Variants in NRG1 observed in about 807,000 individuals in gnomAD.
NRG1 encodes the protein pro-neuregulin-1, membrane-bound isoform.
Under a neutral mutation model 63.8 loss-of-function variants are expected in NRG1, and 18 were observed. That is an observed-to-expected ratio of 0.28 (90% CI 0.19 to 0.42). The LOEUF (loss-of-function observed/expected upper bound fraction) is 0.42. Ranked by LOEUF, NRG1 falls within the 10% of genes least tolerant of loss-of-function variation. The pLI, the probability that NRG1 is intolerant of heterozygous loss-of-function variation, is 1.00. For synonymous variants in NRG1, 302 were observed against 301.3 expected (o/e 1.00, Z -0.02); for missense variants, 762 against 814.7 (o/e 0.94, Z 0.79).
intron 1 of NRG1, among the ~76,000 whole-genome samples, chr8:32,269,407 G>A (rs1011653424): frequency 6.6e-6 from 1 of 152,170 alleles, no homozygotes; most frequent in African/African-American, 2.4e-5. Context: ...AATTGTGAAT[G>A]TTTCCCATTA....
intron 1 of NRG1, among the ~76,000 whole-genome samples, chr8:31,950,054 T>C (rs2129622927): frequency 6.6e-6 from 1 of 152,252 alleles, no homozygotes; most frequent in African/African-American, 2.4e-5. Context: ...TGTCACCCCT[T>C]AGGTGGTGCT....
chr8:32,204,726 T>C (rs1002183361), intron 1 of NRG1, among the ~76,000 whole-genome samples: 4 of 152,222 alleles, frequency 2.6e-5, no homozygotes, highest in Admixed American at 6.5e-5. Flanking sequence ...TGACATAAAT[T>C]ATGGCTAGAA....
intron 1 of NRG1, among the ~76,000 whole-genome samples, chr8:32,285,328 G>A (rs753293138): frequency 3.3e-5 from 5 of 152,044 alleles, no homozygotes; most frequent in Admixed American, 1.3e-4. Context: ...AAACACTCTC[G>A]GTGCAGTGTT....
intron 1 of NRG1, among the ~76,000 whole-genome samples, chr8:32,397,141 T>C (rs1468006637): frequency 6.6e-6 from 1 of 152,158 alleles, no homozygotes; most frequent in African/African-American, 2.4e-5. Flanking sequence ...GATAGGTAGA[T>C]AGATACATAG....
intron 1 of NRG1, among the ~76,000 whole-genome samples, chr8:32,473,830 C>T (rs749048060): frequency 5.3e-5 from 8 of 152,082 alleles, no homozygotes; most frequent in South Asian, 4.1e-4. Flanking sequence ...ACTACAGGCA[C>T]GCACCATCAG....
At chr8:32,077,801 G>A (rs1161202772) in intron 1 of NRG1, among the ~76,000 whole-genome samples, 2 of 152,136 alleles carry the variant, frequency 1.3e-5, no homozygotes, top group Non-Finnish European at 2.9e-5. Flanking sequence ...GTTTCTCTAT[G>A]AGAAGGGTAG....
intron 1 of NRG1, among the ~76,000 whole-genome samples, chr8:32,529,961 T>C (rs1831272270): frequency 6.6e-6 from 1 of 152,210 alleles, no homozygotes. Flanking sequence ...TCAAGTATTA[T>C]GTACTGTGCA....
At chr8:31,876,057 AC>A (rs1829892409) in intron 1 of NRG1, among the ~76,000 whole-genome samples, 1 of 151,908 alleles carries the variant, frequency 6.6e-6, no homozygotes, top group African/African-American at 2.4e-5. Context: ...AAACAAACAA[AC>A]AAACAAACAA....
chr8:32,298,612 G>A (rs920128260), intron 1 of NRG1, among the ~76,000 whole-genome samples: 1 of 151,574 alleles, frequency 6.6e-6, no homozygotes, highest in African/African-American at 2.4e-5. Context: ...TACTCGAAAG[G>A]CTGAGGCAGG....
At chr8:32,292,781 T>C (rs1854353207) in intron 1 of NRG1, among the ~76,000 whole-genome samples, 4 of 151,950 alleles carry the variant, frequency 2.6e-5, no homozygotes, top group Admixed American at 2.6e-4. Flanking sequence ...GACACTAACA[T>C]TCAGAAACAA....
At chr8:32,074,519 G>A (rs558480601) in intron 1 of NRG1, among the ~76,000 whole-genome samples, 3 of 152,268 alleles carry the variant, frequency 2.0e-5, no homozygotes, top group Non-Finnish European at 2.9e-5. Flanking sequence ...TCTGTAAATG[G>A]AACTGTGTTC....
chr8:32,760,714 A>G (rs894060814), intron 11 of NRG1: 3 of 1,145,974 alleles, frequency 2.6e-6, no homozygotes, highest in Non-Finnish European at 2.2e-6. Flanking sequence ...TCGGGGTCTC[A>G]GTGTCCTCAG....
intron 1 of NRG1, among the ~76,000 whole-genome samples, chr8:32,080,981 G>T (rs1827381577): frequency 6.6e-6 from 1 of 152,040 alleles, no homozygotes; most frequent in African/African-American, 2.4e-5. Context: ...CTTGTTTGGG[G>T]AGAGGTCAGT....
chr8:31,981,091 A>G (rs1808992883), intron 1 of NRG1, among the ~76,000 whole-genome samples: 1 of 152,024 alleles, frequency 6.6e-6, no homozygotes, highest in African/African-American at 2.4e-5. Context: ...TCTGTAATGT[A>G]TGCAAAATTT....
chr8:32,121,519 A>G (rs1833445520), intron 1 of NRG1, among the ~76,000 whole-genome samples: 1 of 151,790 alleles, frequency 6.6e-6, no homozygotes, highest in Non-Finnish European at 1.5e-5. Flanking sequence ...TGAATTCCCT[A>G]TTTCCTTTAA....
intron 5 of NRG1, among the ~76,000 whole-genome samples, chr8:32,723,718 A>AG (rs1821302296): frequency 1.0e-5 from 1 of 95,520 alleles, no homozygotes; most frequent in East Asian, 2.5e-4. Context: ...AAAAAAAAAA[A>AG]CAATTGTGGA....
intron 1 of NRG1, among the ~76,000 whole-genome samples, chr8:32,526,897 A>G (rs911047439): frequency 4.8e-4 from 73 of 152,288 alleles, no homozygotes; most frequent in African/African-American, 1.8e-3. Context: ...CTAGAGGTCT[A>G]CAGGGCTCCA....
At chr8:32,369,177 C>T (rs540222906) in intron 1 of NRG1, among the ~76,000 whole-genome samples, 5 of 152,346 alleles carry the variant, frequency 3.3e-5, no homozygotes, top group Non-Finnish European at 5.9e-5. Flanking sequence ...CAGGCTTCTT[C>T]AGCCTTTGGT....
intron 1 of NRG1, among the ~76,000 whole-genome samples, chr8:32,321,177 C>T (rs1170348496): frequency 3.3e-5 from 5 of 152,034 alleles, no homozygotes; most frequent in Non-Finnish European, 5.9e-5. Context: ...CCATATACCT[C>T]GATTGGTTGA....
Sources: gnomAD v4.1 joint callset for allele counts (sites outside exome capture counted in the v4.1 genomes callset) on GRCh38, gnomAD v4.1.1 for gene constraint, MANE v1.5 for transcripts, NCBI Gene and HGNC (gene_info 2026-07-23, HGNC 2026-07-21) for gene names.